AFTPH: variants seen among roughly 807,000 people sequenced by gnomAD.
The protein encoded by AFTPH is aftiphilin.
AFTPH carries 7 observed loss-of-function variants against 72.5 expected under a neutral mutation model. The ratio of observed to expected loss-of-function variants is 0.10; its 90% CI spans 0.05 to 0.18. The LOEUF (loss-of-function observed/expected upper bound fraction) is 0.18, where lower values mean the gene tolerates loss of function less well. AFTPH is among the 10% of genes least tolerant of loss of function. AFTPH has a pLI of 1.00. For synonymous variants in AFTPH, 337 were observed against 370.1 expected (o/e 0.91, Z 1.03); for missense variants, 979 against 1,060.5 (o/e 0.92, Z 1.07).
chr2:64,579,444 A>G, intron 6 of AFTPH, 42 bp from the exon 7 acceptor site: 4 of 1,556,460 alleles, frequency 2.6e-6, no homozygotes, highest in Non-Finnish European at 3.5e-6. Context: ...CGTTGCTACA[A>G]CCTGTACTGA....
At chr2:64,568,983 C>A in intron 3 of AFTPH, 109 bp from the exon 4 acceptor site, 1 of 1,198,666 alleles carries the variant, frequency 8.3e-7, no homozygotes, top group Non-Finnish European at 1.2e-6. Context: ...TTACGTTGGA[C>A]CCAAGAGTAA....
At chr2:64,548,579 C>T (rs957379374) in intron 1 of AFTPH, among the ~76,000 whole-genome samples, 1 of 152,094 alleles carries the variant, frequency 6.6e-6, no homozygotes. Flanking sequence ...ATATTGCCTT[C>T]TGGAAGGCTT....
chr2:64,543,133 C>A (rs563935129), intron 1 of AFTPH, among the ~76,000 whole-genome samples: 238 of 152,292 alleles, frequency 1.6e-3, no homozygotes, highest in African/African-American at 5.6e-3. Context: ...TTTTAATGTA[C>A]ATTTTTCCCT....
At chr2:64,569,713 A>G (rs2287532) in intron 5 of AFTPH, 34 bp downstream of exon 5, 584,800 of 1,581,972 alleles carry the variant, frequency 0.37, 109,381 homozygotes, top group South Asian at 0.4. Context: ...TGTATTTATC[A>G]TTACTGCATC....
At chr2:64,526,130 G>A (rs553037316) in intron 1 of AFTPH, among the ~76,000 whole-genome samples, 2 of 152,128 alleles carry the variant, frequency 1.3e-5, no homozygotes, top group Non-Finnish European at 2.9e-5. Context: ...AAATAATCCC[G>A]TATCACAACA....
chr2:64,552,747 AATG>A (rs1671127420), exon 2 of AFTPH: 4 of 1,614,080 alleles, frequency 2.5e-6, no homozygotes, highest in Non-Finnish European at 3.4e-6. Flanking sequence ...TGTGACTTGC[AATG>A]ATATCAATGA....
chr2:64,550,686 C>CACACACAA (rs1670982424), intron 1 of AFTPH, among the ~76,000 whole-genome samples: 2 of 49,412 alleles, frequency 4.0e-5, no homozygotes, highest in Admixed American at 3.2e-4. Context: ...TGCACACACA[C>CACACACAA]ACACACACAC....
At chr2:64,582,946 A>G (rs1331174966) in intron 7 of AFTPH, among the ~76,000 whole-genome samples, 1 of 152,234 alleles carries the variant, frequency 6.6e-6, no homozygotes, top group Non-Finnish European at 1.5e-5. Context: ...TTAGAGCTGT[A>G]ATGGAAGTGA....
chr2:64,587,762 T>A (rs1673598051), intron 8 of AFTPH, among the ~76,000 whole-genome samples: 1 of 152,190 alleles, frequency 6.6e-6, no homozygotes. Flanking sequence ...GAAAGTGACT[T>A]CTCACTTTGA....
At chr2:64,527,787 C>T (rs1266982613) in intron 1 of AFTPH, among the ~76,000 whole-genome samples, 1 of 152,196 alleles carries the variant, frequency 6.6e-6, no homozygotes. Flanking sequence ...GATTCCTCTG[C>T]ATTAACTTCC....
chr2:64,549,557 GCAATCTGCC>G (rs1017477413), intron 1 of AFTPH, among the ~76,000 whole-genome samples: 8 of 151,810 alleles, frequency 5.3e-5, no homozygotes, highest in Admixed American at 1.3e-4. Flanking sequence ...CTGACCTCAA[GCAATCTGCC>G]CACCTCAGCC....
chr2:64,550,000 G>A (rs1670934043), intron 1 of AFTPH, among the ~76,000 whole-genome samples: 1 of 152,020 alleles, frequency 6.6e-6, no homozygotes. Context: ...AATTAACTTG[G>A]GAAAACAGCT....
chr2:64,533,364 A>C (rs1007085966), intron 1 of AFTPH, among the ~76,000 whole-genome samples: 1 of 152,186 alleles, frequency 6.6e-6, no homozygotes, highest in Admixed American at 6.5e-5. Context: ...ACACCACTGC[A>C]CTCCAGCCTG....
At chr2:64,549,390 G>A (rs1040320250) in intron 1 of AFTPH, among the ~76,000 whole-genome samples, 3 of 122,194 alleles carry the variant, frequency 2.5e-5, no homozygotes, top group East Asian at 5.5e-4. Context: ...GCACGATCTC[G>A]CCTCATTGCA....
chr2:64,555,076 T>C (rs1170599669), intron 2 of AFTPH, among the ~76,000 whole-genome samples: 1 of 152,210 alleles, frequency 6.6e-6, no homozygotes, highest in Non-Finnish European at 1.5e-5. Flanking sequence ...AAAAGCCTTA[T>C]GATTTTTGGA....
exon 2 of AFTPH, chr2:64,551,519 A>G: frequency 6.2e-7 from 1 of 1,614,046 alleles, no homozygotes; most frequent in Non-Finnish European, 8.5e-7. Flanking sequence ...CCCCACCACC[A>G]TTAGACAATG....
intron 7 of AFTPH, chr2:64,580,595 G>A (rs1673131718): frequency 6.6e-6 from 1 of 152,552 alleles, no homozygotes; most frequent in East Asian, 1.9e-4. Context: ...CTTTAAAAAT[G>A]TATACTATTT....
chr2:64,583,284 T>C (rs1274840505), intron 7 of AFTPH, among the ~76,000 whole-genome samples: 1 of 149,814 alleles, frequency 6.7e-6, no homozygotes, highest in African/African-American at 2.5e-5. Context: ...GCTTTAGTTA[T>C]GTAACTAAAC....
chr2:64,569,235 C>T lies in AFTPH; in HGVS notation c.2214+17C>T. On this transcript the variant is annotated intron_variant, in intron 4 of 8. Transcript: ENST00000238856. ...CGAAACATTGTGAGTTTGTTAGTAC[C>T]TTGAAAAATCTTTTAATCAACCTGT... 6.3e-7 allele frequency: 1 copy of T among 1,595,028 alleles called. No individual in the cohort carries two copies. The highest frequency in any genetic ancestry group is 8.6e-7 in the Non-Finnish European group (1 of 1,168,944).
Sources: gnomAD v4.1 joint callset for allele counts (sites outside exome capture counted in the v4.1 genomes callset) on GRCh38, gnomAD v4.1.1 for gene constraint, MANE v1.5 for transcripts, NCBI Gene and HGNC (gene_info 2026-07-23, HGNC 2026-07-21) for gene names.